MSI2: variants seen among roughly 807,000 people sequenced by gnomAD.
MSI2 encodes RNA-binding protein Musashi homolog 2.
In MSI2, 17 loss-of-function variants were observed where a neutral mutation model predicts 45.6. The ratio of observed to expected loss-of-function variants is 0.37; its 90% CI spans 0.26 to 0.56. The LOEUF (loss-of-function observed/expected upper bound fraction) is 0.56, where lower values mean the gene tolerates loss of function less well. Among genes scored for constraint, MSI2 ranks in the 20% least tolerant of loss-of-function variants. The probability of loss-of-function intolerance (pLI) is 0.77; values close to 1 mark genes in which losing one functional copy is unlikely to be tolerated. For missense variants in MSI2, 293 were observed against 444.2 expected (o/e 0.66, Z 3.06); for synonymous variants, 156 against 158.2 (o/e 0.99, Z 0.11).
rs534247300 is a variant in MSI2 at position 57,312,140 on chromosome 17, T to C, written c.312+49948T>C. Among the ~76,000 whole-genome samples, 152 of 152,338 alleles carry C rather than the reference T, an allele frequency of 1.0e-3. 1 individual carries two copies. Among genetic ancestry groups the C allele is most frequent in the African/African-American group, 3.6e-3 (149 of 41,568 alleles). ...ACCAGGATATTGCAGGGAGAGGCCC[T>C]TGGCCTTGCTGTCAGAGAGTTATGG... On this transcript the variant is annotated intron_variant, in intron 5 of 13. Coordinates refer to ENST00000284073, the MANE Select transcript of MSI2 (RefSeq NM_138962.4).
chr17:57,557,769 T>C (rs948021025), intron 7 of MSI2, among the ~76,000 whole-genome samples: 5 of 152,196 alleles, frequency 3.3e-5, no homozygotes, highest in Non-Finnish European at 7.4e-5. Context: ...ATTTCTGAAA[T>C]ACCATTGATG....
chr17:57,379,131 G>T (rs1244596357), intron 5 of MSI2, among the ~76,000 whole-genome samples: 1 of 150,690 alleles, frequency 6.6e-6, no homozygotes, highest in Non-Finnish European at 1.5e-5. Context: ...GACCCTTCAG[G>T]AACAAAACCC....
At chr17:57,334,639 C>T (rs1439361151) in intron 5 of MSI2, among the ~76,000 whole-genome samples, 2 of 152,036 alleles carry the variant, frequency 1.3e-5, no homozygotes, top group South Asian at 2.1e-4. Context: ...ACTAAAAATA[C>T]AAAAATTAGC....
chr17:57,595,730 G>C (rs1284602356), intron 7 of MSI2, among the ~76,000 whole-genome samples: 1 of 151,992 alleles, frequency 6.6e-6, no homozygotes, highest in African/African-American at 2.4e-5. Flanking sequence ...CTGGGTGGGG[G>C]GTCGGGGGGC....
At chr17:57,360,561 G>A (rs1916746622) in intron 5 of MSI2, among the ~76,000 whole-genome samples, 1 of 152,240 alleles carries the variant, frequency 6.6e-6, no homozygotes, top group South Asian at 2.1e-4. Flanking sequence ...ATTTAATCTG[G>A]TAGCACTGAG....
At chr17:57,685,276 T>C (rs1913848547), downstream of MSI2, among the ~76,000 whole-genome samples, 1 of 152,130 alleles carries the variant, frequency 6.6e-6, no homozygotes, top group African/African-American at 2.4e-5. Context: ...CCCAGTACAT[T>C]GAGGGCAAGT....
intron 10 of MSI2, chr17:57,631,610 T>C: frequency 1.7e-6 from 1 of 602,258 alleles, no homozygotes; most frequent in East Asian, 2.9e-5. Flanking sequence ...CCAACCACTC[T>C]GGGAACAGCT....
intron 11 of MSI2, among the ~76,000 whole-genome samples, chr17:57,661,390 T>TG (rs1911980563): frequency 6.6e-6 from 1 of 152,238 alleles, no homozygotes; most frequent in African/African-American, 2.4e-5. Flanking sequence ...GCAGGGAATA[T>TG]GGGCTTGAAG....
At chr17:57,624,039 T>G (rs952438830) in intron 9 of MSI2, among the ~76,000 whole-genome samples, 7 of 152,084 alleles carry the variant, frequency 4.6e-5, no homozygotes, top group Non-Finnish European at 1.0e-4. Context: ...AGACCCAAAG[T>G]TGGGGTGAAC....
At chr17:57,417,752 A>G (rs987752392) in intron 6 of MSI2, among the ~76,000 whole-genome samples, 1 of 152,200 alleles carries the variant, frequency 6.6e-6, no homozygotes, top group African/African-American at 2.4e-5. Context: ...GAAATGGACA[A>G]AGATGATGGA....
intron 5 of MSI2, among the ~76,000 whole-genome samples, chr17:57,345,317 G>A (rs1450783475): frequency 6.6e-6 from 1 of 151,974 alleles, no homozygotes; most frequent in Non-Finnish European, 1.5e-5. Flanking sequence ...ACATTCATGT[G>A]TGTTTAAAAG....
At chr17:57,270,948 T>C (rs1287530181) in intron 5 of MSI2, among the ~76,000 whole-genome samples, 5 of 152,232 alleles carry the variant, frequency 3.3e-5, no homozygotes, top group Non-Finnish European at 7.3e-5. Flanking sequence ...CGAGATAGCA[T>C]GCAGCCTTTA....
intron 6 of MSI2, among the ~76,000 whole-genome samples, chr17:57,502,431 C>T (rs2086126281): frequency 1.3e-5 from 2 of 151,270 alleles, no homozygotes; most frequent in South Asian, 2.1e-4. Context: ...AACATGGAGA[C>T]GATGATAATA....
At chr17:57,621,968 C>A (rs58676402) in intron 9 of MSI2, among the ~76,000 whole-genome samples, 1 of 152,174 alleles carries the variant, frequency 6.6e-6, no homozygotes, top group Non-Finnish European at 1.5e-5. Flanking sequence ...GAGGCCGAGG[C>A]GGGCAGATCA....
At chr17:57,486,006 G>T (rs1285460312) in intron 6 of MSI2, among the ~76,000 whole-genome samples, 1 of 152,228 alleles carries the variant, frequency 6.6e-6, no homozygotes, top group Admixed American at 6.5e-5. Flanking sequence ...GGGTACTGCA[G>T]GGAGGGGGTC....
intron 5 of MSI2, among the ~76,000 whole-genome samples, chr17:57,354,747 C>CCTG (rs1435120187): frequency 2.0e-5 from 3 of 151,960 alleles, no homozygotes; most frequent in Non-Finnish European, 4.4e-5. Context: ...ATACAAGGAG[C>CCTG]CTGGGAGCTT....
intron 5 of MSI2, among the ~76,000 whole-genome samples, chr17:57,293,855 G>A (rs888378698): frequency 6.6e-6 from 1 of 150,642 alleles, no homozygotes; most frequent in Non-Finnish European, 1.5e-5. Context: ...TGATCTGCCC[G>A]CCTCAGCCTC....
intron 2 of MSI2, 28 bp downstream of exon 2, chr17:57,257,166 G>A (rs770917477): frequency 1.9e-5 from 28 of 1,476,716 alleles, no homozygotes; most frequent in African/African-American, 1.5e-5. Flanking sequence ...GGACGCCTGG[G>A]TCCCCCCCTT....
chr17:57,258,251 C>G lies in MSI2; in HGVS notation c.186-19C>G, dbSNP rs1907000762. 5 of 1,610,802 alleles carry G rather than the reference C, an allele frequency of 3.1e-6. No individual in the cohort carries two copies. Among genetic ancestry groups the G allele is most frequent in the Non-Finnish European group, 4.2e-6 (5 of 1,177,162 alleles). The stretch of plus-strand genomic sequence containing the variant: ...TCACATTTTCTTGTTTGTTTTTCTC[C>G]CTCTTTGTCTCCTTTCAGAGGCTTC... On this transcript the variant is annotated intron_variant, in intron 3 of 13. Transcript: ENST00000284073.
Sources: allele counts gnomAD v4.1 joint callset (sites outside exome capture counted in the v4.1 genomes callset), GRCh38; gene constraint gnomAD v4.1.1; transcripts MANE v1.5; gene names NCBI Gene and HGNC (gene_info 2026-07-23, HGNC 2026-07-21).